HTD2: variants seen among roughly 807,000 people sequenced by gnomAD.
HTD2 encodes the protein hydroxyacyl-thioester dehydratase type 2.
Under a neutral mutation model 3.1 loss-of-function variants are expected in HTD2, and 1 was observed. The observed-to-expected ratio is 0.32, with a 90% CI of 0.11 to 1.52. The LOEUF is 1.52. Ranked by LOEUF, HTD2 falls within the 40% of genes most tolerant of loss-of-function variation. The pLI is 0.39. For missense variants in HTD2, 150 were observed against 79.6 expected (o/e 1.88, Z -3.36); for synonymous variants, 50 against 28.9 (o/e 1.73, Z -2.34).
intron 2 of HTD2, among the ~76,000 whole-genome samples, chr3:58,316,150 G>T (rs182744832): frequency 6.6e-6 from 1 of 152,244 alleles, no homozygotes; most frequent in African/African-American, 2.4e-5. Context: ...TAATGTCTTG[G>T]TTCTTGTAGT....
At position 58,310,597 on chromosome 3, in the gene HTD2, G is replaced by C. The variant is rs1470904705; in HGVS notation, c.-331+6G>C. 1.2e-6 allele frequency: 2 copies of C among 1,606,876 alleles called. No homozygotes were observed. The highest frequency in any genetic ancestry group is 4.5e-5 in the East Asian group (2 of 44,836). The stretch of plus-strand genomic sequence containing the variant: ...TGAAGGACCTGTTTGGGGAGGTATG[G>C]AATCACTTGGTAGATTGAACATTCC... On this transcript the variant is annotated splice_donor_region_variant and intron_variant, in intron 2 of 4. Transcript: ENST00000461393.
intron 1 of HTD2, 142 bp downstream of exon 1, chr3:58,306,793 G>A (rs890825634): frequency 6.6e-6 from 1 of 152,058 alleles, no homozygotes; most frequent in African/African-American, 2.4e-5. Flanking sequence ...AGTGTTTTAG[G>A]GCCTTGGGAA....
In HTD2 at chr3:58,316,602, G is replaced by C. The variant is rs2097488523; in HGVS notation, c.-254+11G>C. 6.2e-7 allele frequency: 1 copy of C among 1,610,234 alleles called. No homozygotes were observed. The highest frequency in any genetic ancestry group is 1.1e-5 in the South Asian group (1 of 90,964). ...GAGAATATGTAGCAGGTATGACAGA[G>C]AGTGGGAAATTTCTAGTATAACAGG... On this transcript the variant is annotated intron_variant, in intron 3 of 4. Coordinates refer to ENST00000461393, the MANE Select transcript of HTD2 (RefSeq NM_001348712.2).
rs1228939293 is a variant in HTD2 at position 58,318,760 on chromosome 3, G to A, written c.*640G>A. The A allele has an allele frequency of 6.6e-6, 1 of 151,972 alleles. No homozygotes were observed. The highest frequency in any genetic ancestry group is 2.4e-5 in the African/African-American group (1 of 41,322). 9.4% of individuals were successfully genotyped at this position (151,972 alleles called of 1,614,324 possible). A position where few individuals can be genotyped will look rare whatever the true frequency, so the allele number is the denominator to read the frequency against. ...CACGCCTGTAATCCCAGCATTTTGG[G>A]AGGCTGAGGCAGGCGAATCACTTGA... is the stretch of plus-strand genomic sequence containing the variant. On this transcript the variant is annotated 3_prime_UTR_variant, in exon 5 of 5. Coordinates refer to ENST00000461393, the MANE Select transcript of HTD2 (RefSeq NM_001348712.2).
At chr3:58,309,938 A>C (rs2097480319) in intron 1 of HTD2, 1 of 176,390 alleles carries the variant, frequency 5.7e-6, no homozygotes, top group African/African-American at 2.4e-5. Flanking sequence ...GGTGGCTCAC[A>C]CTTGTAATCC....
intron 1 of HTD2, among the ~76,000 whole-genome samples, chr3:58,309,389 G>A (rs2107499688): frequency 6.6e-6 from 1 of 152,312 alleles, no homozygotes; most frequent in South Asian, 2.1e-4. Flanking sequence ...TACCTCAGGA[G>A]CATTTTGAAG....
In HTD2 at chr3:58,316,550, T is replaced by A; in HGVS notation, c.-295T>A. The A allele has an allele frequency of 6.2e-7, 1 of 1,614,130 alleles. No individual in the cohort carries two copies. On this transcript the variant is annotated 5_prime_UTR_variant, in exon 3 of 5. It removes an upstream start codon present in the reference 5' UTR. Transcript: ENST00000461393. ...CCTTACCTTTGGACATCCTAACCTA[T>A]GAAGAGAAGACCTTGTCAGCCATCT... is the stretch of plus-strand genomic sequence containing the variant.
At position 58,316,934 on chromosome 3, in the gene HTD2, A is replaced by T; in HGVS notation, c.-234A>T. 1 of 1,613,786 alleles carries T rather than the reference A, an allele frequency of 6.2e-7. No individual in the cohort carries two copies. Among genetic ancestry groups the T allele is most frequent in the Non-Finnish European group, 8.5e-7 (1 of 1,179,766 alleles). On this transcript the variant is annotated 5_prime_UTR_variant, in exon 4 of 5. Coordinates refer to ENST00000461393, the MANE Select transcript of HTD2 (RefSeq NM_001348712.2). Reference sequence around the variant, plus strand: ...CTGCAGTGGTCTTGTCAAATTGTGGAGCTCTTTGACCCTGTTAGGATCCTA... The same window carrying T: ...CTGCAGTGGTCTTGTCAAATTGTGGTGCTCTTTGACCCTGTTAGGATCCTA...
In HTD2 at chr3:58,318,924, G is replaced by A. The variant is rs1026577782; in HGVS notation, c.*804G>A. On this transcript the variant is annotated 3_prime_UTR_variant, in exon 5 of 5. Coordinates refer to ENST00000461393, the MANE Select transcript of HTD2 (RefSeq NM_001348712.2). Reference sequence around the variant, plus strand: ...TGAGGCAGGAGAATCTCTTGAACCTGGGAGGTTGCAGTGAGCTGAAATCAC... The same window carrying A: ...TGAGGCAGGAGAATCTCTTGAACCTAGGAGGTTGCAGTGAGCTGAAATCAC... 3 of 151,708 alleles carry A rather than the reference G, an allele frequency of 2.0e-5. No homozygotes were observed. The highest frequency in any genetic ancestry group is 4.4e-5 in the Non-Finnish European group (3 of 67,970). 9.4% of individuals were successfully genotyped at this position (151,708 alleles called of 1,614,324 possible).
chr3:58,312,593 A>G (rs1009403508), intron 2 of HTD2, among the ~76,000 whole-genome samples: 2 of 152,170 alleles, frequency 1.3e-5, no homozygotes, highest in Non-Finnish European at 2.9e-5. Flanking sequence ...AGTGTGGCCT[A>G]GACTGGCACC....
chr3:58,314,032 G>C (rs571095458), intron 2 of HTD2, among the ~76,000 whole-genome samples: 1 of 152,304 alleles, frequency 6.6e-6, no homozygotes, highest in Admixed American at 6.5e-5. Flanking sequence ...CTGCAGCCTG[G>C]TCAACAGAAC....
intron 1 of HTD2, chr3:58,310,269 A>G (rs983507031): frequency 9.7e-5 from 141 of 1,454,744 alleles, no homozygotes; most frequent in Non-Finnish European, 1.2e-4. Flanking sequence ...GAAAAATAGC[A>G]TGTGCATTGG....
Position 58,317,753 on chromosome 3 carries a change from C to T in HTD2, c.140C>T (p.Ala47Val), listed in dbSNP as rs926224923. Residue 47 changes from alanine (A) to valine (V), a missense_variant, in exon 5 of 5, where the codon GCC (alanine) becomes GTC (valine). Physicochemically the swap from Ala to Val is moderately conservative, Grantham distance 64. Transcript: ENST00000461393. ...GGAGACCGCGCTGAACTTAGGAGGG[C>T]CTTCACACAGACTGATGTGGCTACC... Reference protein sequence around the residue: ...KVGDRAELRRAFTQTDVATFS... With the variant: ...KVGDRAELRRVFTQTDVATFS... 2 of 703,294 alleles carry T rather than the reference C, an allele frequency of 2.8e-6. No homozygotes were observed. Among genetic ancestry groups the T allele is most frequent in the South Asian group, 1.5e-5 (1 of 67,610 alleles). 43.6% of individuals were successfully genotyped at this position (703,294 alleles called of 1,614,324 possible). A position where few individuals can be genotyped will look rare whatever the true frequency, so the allele number is the denominator to read the frequency against.
intron 2 of HTD2, among the ~76,000 whole-genome samples, chr3:58,314,678 T>TTC (rs1257064437): frequency 8.2e-6 from 1 of 122,634 alleles, no homozygotes; most frequent in African/African-American, 3.9e-5. Flanking sequence ...TGGCAGTATT[T>TTC]TTTTTTTTTT....
chr3:58,319,868 G>A lies in HTD2; in HGVS notation c.*1748G>A, dbSNP rs2097492672. 1 of 151,984 alleles carries A rather than the reference G, an allele frequency of 6.6e-6. No homozygotes were observed. Among genetic ancestry groups the A allele is most frequent in the Non-Finnish European group, 1.5e-5 (1 of 67,998 alleles). 9.4% of individuals were successfully genotyped at this position (151,984 alleles called of 1,614,324 possible). ...ACCATAAAATTCACCTTTTAAAAGTGTACAGTTTAGTGGTTTTCAGAATAT... is the reference window on the plus strand; with the variant it reads ...ACCATAAAATTCACCTTTTAAAAGTATACAGTTTAGTGGTTTTCAGAATAT... On this transcript the variant is annotated 3_prime_UTR_variant, in exon 5 of 5. Transcript: ENST00000461393.
intron 1 of HTD2, chr3:58,308,074 C>T (rs966259064): frequency 6.6e-6 from 1 of 151,586 alleles, no homozygotes; most frequent in Non-Finnish European, 1.5e-5. Context: ...CACTAAAAAA[C>T]ATTTATGTGC....
At chr3:58,307,403 G>A (rs868360617) in intron 1 of HTD2, among the ~76,000 whole-genome samples, 2 of 152,204 alleles carry the variant, frequency 1.3e-5, no homozygotes, top group Non-Finnish European at 2.9e-5. Context: ...GGTCAGATTA[G>A]GAGCATCCCT....
intron 4 of HTD2, 105 bp from the exon 5 acceptor site, chr3:58,317,335 C>A: frequency 1.4e-6 from 1 of 735,438 alleles, no homozygotes; most frequent in South Asian, 1.8e-5. Flanking sequence ...GTAAAATGCT[C>A]CTGCATCAGC....
At chr3:58,310,482 CTTTT>C (rs59232688) in intron 1 of HTD2, 21 bp from the exon 2 acceptor site, 2 of 1,363,648 alleles carry the variant, frequency 1.5e-6, no homozygotes, top group African/African-American at 3.0e-5. Context: ...TTTAATATGA[CTTTT>C]TTTTTTTTCA....
Sources: allele counts gnomAD v4.1 joint callset (sites outside exome capture counted in the v4.1 genomes callset), GRCh38; gene constraint gnomAD v4.1.1; transcripts MANE v1.5; gene names NCBI Gene and HGNC (gene_info 2026-07-23, HGNC 2026-07-21).